ATP8A2: variants seen among roughly 807,000 people sequenced by gnomAD.
ATP8A2 encodes the protein ATPase phospholipid transporting 8A2.
ATP8A2 carries 100 observed loss-of-function variants against 165.6 expected under a neutral mutation model. The ratio of observed to expected loss-of-function variants is 0.60; its 90% CI spans 0.51 to 0.71. The LOEUF (loss-of-function observed/expected upper bound fraction) is 0.71, where lower values mean the gene tolerates loss of function less well. ATP8A2 is among the 30% of genes least tolerant of loss of function. The probability of loss-of-function intolerance (pLI) is 0.00; values close to 1 mark genes in which losing one functional copy is unlikely to be tolerated. For missense variants in ATP8A2, 1,227 were observed against 1,479.5 expected (o/e 0.83, Z 2.80); for synonymous variants, 543 against 548.8 (o/e 0.99, Z 0.15).
At chr13:25,910,373 C>T (rs988142909) in intron 33 of ATP8A2, among the ~76,000 whole-genome samples, 6 of 152,122 alleles carry the variant, frequency 3.9e-5, no homozygotes, top group South Asian at 2.1e-4. Flanking sequence ...AGCCCTTTCA[C>T]GGCACCTGTA....
chr13:25,907,221 G>T (rs1447482258), intron 33 of ATP8A2, among the ~76,000 whole-genome samples: 2 of 151,942 alleles, frequency 1.3e-5, no homozygotes, highest in Non-Finnish European at 2.9e-5. Flanking sequence ...CTGCACTCCA[G>T]CCTGGGCGAC....
chr13:25,911,684 A>T (rs916047128), intron 33 of ATP8A2, among the ~76,000 whole-genome samples: 15 of 152,194 alleles, frequency 9.9e-5, no homozygotes, highest in African/African-American at 2.7e-4. Flanking sequence ...GTTGACTTCC[A>T]CACAGGAAAA....
At chr13:25,630,051 T>C (rs1484186933) in intron 24 of ATP8A2, among the ~76,000 whole-genome samples, 1 of 147,204 alleles carries the variant, frequency 6.8e-6, no homozygotes, top group Non-Finnish European at 1.5e-5. Flanking sequence ...TGCACACCAC[T>C]CTCATGCTGT....
chr13:25,501,060 G>A (rs1039895051), intron 2 of ATP8A2, among the ~76,000 whole-genome samples: 3 of 152,006 alleles, frequency 2.0e-5, no homozygotes, highest in Admixed American at 6.6e-5. Context: ...ACTCCTACTC[G>A]ATGATGTGAT....
chr13:25,921,461 C>CAA (rs60085641), intron 33 of ATP8A2, among the ~76,000 whole-genome samples: 5,715 of 133,692 alleles, frequency 0.043, 176 homozygotes, highest in African/African-American at 0.085. Flanking sequence ...GCTAAAAATA[C>CAA]AAAAAAAAAA....
chr13:25,937,718 A>G (rs1009934551), intron 33 of ATP8A2, among the ~76,000 whole-genome samples: 5 of 151,540 alleles, frequency 3.3e-5, no homozygotes, highest in Admixed American at 1.3e-4. Flanking sequence ...GCATGGTGGC[A>G]GGCGCCTGTA....
At chr13:25,808,156 G>T (rs1425359227) in intron 27 of ATP8A2, among the ~76,000 whole-genome samples, 4 of 151,068 alleles carry the variant, frequency 2.6e-5, no homozygotes, top group Non-Finnish European at 5.9e-5. Context: ...TTGAGACAGG[G>T]TCTTGCTGTG....
chr13:25,373,114 T>C (rs2032487152), intron 1 of ATP8A2, among the ~76,000 whole-genome samples: 1 of 152,172 alleles, frequency 6.6e-6, no homozygotes, highest in Non-Finnish European at 1.5e-5. Flanking sequence ...ACCTAGACCA[T>C]TAGTTAATGC....
chr13:25,937,602 C>T (rs1328054577), intron 33 of ATP8A2, among the ~76,000 whole-genome samples: 6 of 150,784 alleles, frequency 4.0e-5, no homozygotes, highest in Non-Finnish European at 8.9e-5. Context: ...GTAATCCCAG[C>T]ACTTTGGGAG....
At chr13:25,694,407 T>G (rs1019675120) in intron 24 of ATP8A2, among the ~76,000 whole-genome samples, 4 of 152,190 alleles carry the variant, frequency 2.6e-5, no homozygotes, top group Non-Finnish European at 4.4e-5. Flanking sequence ...TCTGTGTACC[T>G]TGTCTCATCT....
At chr13:25,948,360 T>C (rs983875744) in intron 33 of ATP8A2, among the ~76,000 whole-genome samples, 1 of 152,122 alleles carries the variant, frequency 6.6e-6, no homozygotes, top group African/African-American at 2.4e-5. Context: ...TGTATGGCAT[T>C]TACCATGTGC....
At position 25,728,362 on chromosome 13, in the gene ATP8A2, A is replaced by G. The variant is rs774872089; in HGVS notation, c.2384+29017A>G. Among the ~76,000 whole-genome samples the G allele has an allele frequency of 5.3e-5, 8 of 152,302 alleles. No individual in the cohort carries two copies. In the East Asian group the frequency reaches 5.8e-4, roughly 11 times the overall value. ...GTGAGGATACCTCATGGAGAAGTCT[A>G]TGCAAAAGTAAGGTTCTCAGCACAA... On this transcript the variant is annotated intron_variant, in intron 25 of 36. Transcript: ENST00000381655.
chr13:25,503,904 T>C lies in ATP8A2; in HGVS notation c.222-26095T>C, dbSNP rs141222912. Among the ~76,000 whole-genome samples, 93 of 152,338 alleles carry C rather than the reference T, an allele frequency of 6.1e-4. 1 individual carries two copies. In the Middle Eastern group the frequency reaches 0.02, roughly 33 times the overall value. ...TAGCAGCTCAGAGCCAAACAAGGTATGTAGATCTTTAAAAAAAACTTCTCC... is the reference window on the plus strand; with the variant it reads ...TAGCAGCTCAGAGCCAAACAAGGTACGTAGATCTTTAAAAAAAACTTCTCC... On this transcript the variant is annotated intron_variant, in intron 2 of 36. Transcript: ENST00000381655.
chr13:25,857,439 G>A (rs987122706), intron 30 of ATP8A2, among the ~76,000 whole-genome samples: 12 of 151,434 alleles, frequency 7.9e-5, no homozygotes, highest in African/African-American at 2.9e-4. Context: ...CACTGTTGCA[G>A]TCATGGCTCA....
At chr13:25,545,065 G>C (rs1049583469) in intron 10 of ATP8A2, among the ~76,000 whole-genome samples, 9 of 152,026 alleles carry the variant, frequency 5.9e-5, no homozygotes, top group Admixed American at 5.9e-4. Context: ...CAAGGGAGGC[G>C]TGTCCTTGAC....
chr13:25,830,070 G>A (rs550916084), intron 28 of ATP8A2, among the ~76,000 whole-genome samples: 18 of 150,364 alleles, frequency 1.2e-4, no homozygotes, highest in Non-Finnish European at 1.5e-4. Flanking sequence ...GTGCAGTGGT[G>A]CCATCACTAC....
At chr13:25,834,676 A>G (rs1951559398) in intron 28 of ATP8A2, among the ~76,000 whole-genome samples, 1 of 152,182 alleles carries the variant, frequency 6.6e-6, no homozygotes. Flanking sequence ...TATAATGTCT[A>G]CCTTTTTGGT....
chr13:25,856,199 C>G (rs1315616163), intron 30 of ATP8A2, among the ~76,000 whole-genome samples: 1 of 152,154 alleles, frequency 6.6e-6, no homozygotes, highest in East Asian at 1.9e-4. Context: ...CTTTTGGTGC[C>G]ATATCTAAGA....
intron 24 of ATP8A2, among the ~76,000 whole-genome samples, chr13:25,633,589 A>G (rs2041299300): frequency 6.6e-6 from 1 of 152,238 alleles, no homozygotes; most frequent in African/African-American, 2.4e-5. Flanking sequence ...ACAATGAAGT[A>G]GCCACCTTGT....
Sources: gnomAD v4.1 joint callset for allele counts (sites outside exome capture counted in the v4.1 genomes callset) on GRCh38, gnomAD v4.1.1 for gene constraint, MANE v1.5 for transcripts, NCBI Gene and HGNC (gene_info 2026-07-23, HGNC 2026-07-21) for gene names.